KCNMA1: variants seen among roughly 807,000 people sequenced by gnomAD.
KCNMA1 encodes potassium calcium-activated channel subfamily M alpha 1, also known as Calcium-activated potassium channel subunit alpha-1.
In KCNMA1, 29 loss-of-function variants were observed where a neutral mutation model predicts 140.0. That is an observed-to-expected ratio of 0.21 (90% CI 0.15 to 0.28). The LOEUF is 0.28. KCNMA1 is among the 10% of genes least tolerant of loss of function. The probability of loss-of-function intolerance (pLI) is 1.00; values close to 1 mark genes in which losing one functional copy is unlikely to be tolerated. For synonymous variants in KCNMA1, 612 were observed against 611.9 expected (o/e 1.00, Z 0.00); for missense variants, 880 against 1,602.2 (o/e 0.55, Z 7.70).
chr10:77,614,792 A>G (rs1266350456), intron 1 of KCNMA1, among the ~76,000 whole-genome samples: 1 of 152,080 alleles, frequency 6.6e-6, no homozygotes, highest in African/African-American at 2.4e-5. Flanking sequence ...TCCATCCCTC[A>G]CCCAGCCCCA....
At chr10:77,572,957 A>T (rs143864774) in intron 1 of KCNMA1, among the ~76,000 whole-genome samples, 1 of 152,176 alleles carries the variant, frequency 6.6e-6, no homozygotes, top group East Asian at 1.9e-4. Flanking sequence ...ACACACGACA[A>T]TTCAGACTAA....
At chr10:77,254,674 A>C (rs1037493617) in intron 2 of KCNMA1, among the ~76,000 whole-genome samples, 4 of 152,222 alleles carry the variant, frequency 2.6e-5, no homozygotes, top group African/African-American at 9.6e-5. Context: ...TAGAAAAAGT[A>C]GGGCCCTTAT....
intron 2 of KCNMA1, among the ~76,000 whole-genome samples, chr10:77,278,176 C>T (rs1003445797): frequency 3.3e-5 from 5 of 152,174 alleles, no homozygotes; most frequent in African/African-American, 1.2e-4. Context: ...TACTATGACT[C>T]TGGCCACCTG....
intron 2 of KCNMA1, among the ~76,000 whole-genome samples, chr10:77,341,623 G>A (rs2090952960): frequency 6.6e-6 from 1 of 152,218 alleles, no homozygotes. Flanking sequence ...GCCTGTGATG[G>A]GAAGGGGAGG....
Position 77,326,087 on chromosome 10 carries a change from G to A in KCNMA1, c.541-74831C>T, listed in dbSNP as rs759787731. Reference sequence around the variant, plus strand: ...TTACATGGGGTATGGAACAGGAAATGTGCTCAGTAGTGATTGGAAGCCATT... The same window carrying A: ...TTACATGGGGTATGGAACAGGAAATATGCTCAGTAGTGATTGGAAGCCATT... On this transcript the variant is annotated intron_variant, in intron 2 of 27. Coordinates refer to ENST00000286628, the MANE Select transcript of KCNMA1 (RefSeq NM_001161352.2). Among the ~76,000 whole-genome samples the A allele has an allele frequency of 1.4e-4, 22 of 152,306 alleles. No individual in the cohort carries two copies. In the Middle Eastern group the frequency reaches 0.01, roughly 71 times the overall value.
At chr10:77,318,587 G>A (rs902726176) in intron 2 of KCNMA1, among the ~76,000 whole-genome samples, 2 of 152,160 alleles carry the variant, frequency 1.3e-5, no homozygotes, top group African/African-American at 4.8e-5. Flanking sequence ...CCCAGCTCTT[G>A]ACATAGAACC....
At chr10:77,619,529 GGC>G (rs1387368568) in intron 1 of KCNMA1, among the ~76,000 whole-genome samples, 6 of 152,052 alleles carry the variant, frequency 3.9e-5, no homozygotes, top group Non-Finnish European at 5.9e-5. Flanking sequence ...GGATTACAGG[GGC>G]TAGCTCTGCC....
chr10:77,201,858 A>G (rs2042597261), intron 3 of KCNMA1, among the ~76,000 whole-genome samples: 1 of 152,136 alleles, frequency 6.6e-6, no homozygotes. Context: ...AACTGGCAAA[A>G]CATCTGTACT....
intron 16 of KCNMA1, chr10:77,019,320 C>G (rs2092558772): frequency 9.1e-6 from 5 of 551,226 alleles, no homozygotes; most frequent in Non-Finnish European, 1.6e-5. Flanking sequence ...TGGCATGCTC[C>G]CAGTTGAGGA....
chr10:77,567,996 A>C (rs534928957), intron 1 of KCNMA1, among the ~76,000 whole-genome samples: 14 of 152,324 alleles, frequency 9.2e-5, no homozygotes, highest in Admixed American at 2.0e-4. Flanking sequence ...GAAATGGATA[A>C]ATTCCTCGAC....
At chr10:77,539,794 C>A (rs2059759750) in intron 1 of KCNMA1, among the ~76,000 whole-genome samples, 1 of 152,194 alleles carries the variant, frequency 6.6e-6, no homozygotes, top group Non-Finnish European at 1.5e-5. Flanking sequence ...TTGCTGCCAG[C>A]CCAGCTCTGC....
At chr10:76,972,593 G>A (rs1476521378) in intron 19 of KCNMA1, among the ~76,000 whole-genome samples, 8 of 152,190 alleles carry the variant, frequency 5.3e-5, no homozygotes, top group Admixed American at 5.2e-4. Flanking sequence ...GTAAAGTTAT[G>A]CCTCTTCTAT....
At position 77,509,101 on chromosome 10, in the gene KCNMA1, TTTGTTG is replaced by T. The variant is rs71028281; in HGVS notation, c.379-105084_379-105079del. 7.4e-3 allele frequency among the ~76,000 whole-genome samples: 877 copies of T among 119,032 alleles called. 4 individuals carry two copies. Among genetic ancestry groups the T allele is most frequent in the Non-Finnish European group, 0.012 (660 of 54,100 alleles). 78.1% of individuals were successfully genotyped at this position (119,032 alleles called of 152,430 possible). ...TTTTGTTGTTGTCATTTTGTTGGGT[TTTGTTG>T]TTGTTGTTGTTGTTGTTGTTGTTGT... is the stretch of plus-strand genomic sequence containing the variant. On this transcript the variant is annotated intron_variant, in intron 1 of 27. Coordinates refer to ENST00000286628, the MANE Select transcript of KCNMA1 (RefSeq NM_001161352.2).
intron 3 of KCNMA1, among the ~76,000 whole-genome samples, chr10:77,200,324 G>C (rs1361050285): frequency 6.6e-6 from 1 of 152,152 alleles, no homozygotes; most frequent in Non-Finnish European, 1.5e-5. Context: ...GGACAATATA[G>C]AGTAGGAATT....
At chr10:77,470,020 T>C (rs1333661672) in intron 1 of KCNMA1, among the ~76,000 whole-genome samples, 4 of 152,078 alleles carry the variant, frequency 2.6e-5, no homozygotes, top group Non-Finnish European at 5.9e-5. Flanking sequence ...GCTGCCAAGA[T>C]TCTGCTCCTT....
intron 1 of KCNMA1, among the ~76,000 whole-genome samples, chr10:77,445,395 C>CACACACAT (rs201816214): frequency 4.2e-4 from 62 of 148,962 alleles, no homozygotes; most frequent in African/African-American, 1.3e-3. Flanking sequence ...CACACACACA[C>CACACACAT]ATATGAAAAA....
intron 2 of KCNMA1, among the ~76,000 whole-genome samples, chr10:77,353,991 T>A (rs945145367): frequency 8.3e-5 from 1 of 12,094 alleles, no homozygotes; most frequent in Non-Finnish European, 2.2e-4. Flanking sequence ...GTGGTGGGGG[T>A]GGAGGGGTGG....
intron 1 of KCNMA1, among the ~76,000 whole-genome samples, chr10:77,624,701 C>G (rs2092198267): frequency 6.6e-6 from 1 of 152,062 alleles, no homozygotes; most frequent in Non-Finnish European, 1.5e-5. Flanking sequence ...AAAACTAAGG[C>G]CTGGAGCCTA....
intron 1 of KCNMA1, among the ~76,000 whole-genome samples, chr10:77,486,367 T>A (rs996735293): frequency 2.6e-5 from 4 of 152,170 alleles, no homozygotes; most frequent in African/African-American, 9.7e-5. Context: ...CCTTTTGGAG[T>A]GATCTCGGGA....
Sources: gnomAD v4.1 joint callset for allele counts (sites outside exome capture counted in the v4.1 genomes callset) on GRCh38, gnomAD v4.1.1 for gene constraint, MANE v1.5 for transcripts, NCBI Gene and HGNC (gene_info 2026-07-23, HGNC 2026-07-21) for gene names.